The following ANO7 variants were observed in gnomAD, a reference collection of about 807,000 sequenced individuals.
ANO7 encodes the protein anoctamin 7.
Under a neutral mutation model 115.8 loss-of-function variants are expected in ANO7, and 114 were observed. The ratio of observed to expected loss-of-function variants is 0.98; its 90% CI spans 0.85 to 1.15. The LOEUF (loss-of-function observed/expected upper bound fraction) is 1.15. Ranked by LOEUF, ANO7 falls within the 50% of genes most tolerant of loss-of-function variation. The pLI is 0.00. For synonymous variants in ANO7, 550 were observed against 498.2 expected, an observed-to-expected ratio of 1.10 and a Z score of -1.38; for missense variants, 1,302 against 1,201.2, an observed-to-expected ratio of 1.08 and a Z score of -1.24.
rs184837414 is a variant in ANO7, at chr2:241,210,474, C to G, written c.1465C>G (p.Arg489Gly). The G allele has an allele frequency of 4.4e-5, 71 of 1,613,916 alleles. 1 individual carries two copies. Among genetic ancestry groups the G allele is most frequent in the Non-Finnish European group, 4.9e-5 (58 of 1,179,990 alleles). Residue 489 changes from arginine to glycine, a missense_variant, in exon 15 of 25, where the codon CGC becomes GGC. Transcript: ENST00000674324. ...ACGGCCTGTCTCCCGTTAGGCCTCT[C>G]GCATCGCCAGCCTCACGGGGTCTGT... ...GNTLLAAWAS[R>G]IASLTGSVVN...
In ANO7 at chr2:241,203,001, C is replaced by T. The variant is rs868846166; in HGVS notation, c.724-332C>T. On this transcript the variant is annotated intron_variant, in intron 8 of 24. Transcript: ENST00000674324. This position sits in a 1 kb window ranked among gnomAD's most constrained non-coding sequence, Gnocchi z 4.8. ...GGCCCAGAATGCACAGCACAGGACA[C>T]GAGCCTGGGGACTCTCCAACCCAGA... is the stretch of plus-strand genomic sequence containing the variant. Among the ~76,000 whole-genome samples the T allele has an allele frequency of 1.5e-4, 23 of 152,298 alleles. No homozygotes were observed. Among genetic ancestry groups the T allele is most frequent in the Admixed American group, 3.9e-4 (6 of 15,306 alleles).
chr2:241,218,434 G>A (rs1359081072), intron 21 of ANO7, 53 bp downstream of exon 21: 4 of 1,262,588 alleles, frequency 3.2e-6, no homozygotes, highest in South Asian at 2.4e-5. Context: ...ACGAGGCGGA[G>A]CGGGGCTCGG....
In ANO7 at chr2:241,224,114, A is replaced by ACC; in HGVS notation, c.2603_2604dup (p.Phe869ProfsTer45). Reference sequence around the variant, plus strand: ...CTCCCCAGCTCAGCTCCCACTGGACACCCTTCACGGTTCCCAAGGCCAGCC... The same window carrying ACC: ...CTCCCCAGCTCAGCTCCCACTGGACACCCCCTTCACGGTTCCCAAGGCCAGCC... On this transcript the variant is annotated frameshift_variant, in exon 25 of 25. Transcript: ENST00000674324. LOFTEE classifies it low-confidence loss of function (END_TRUNC). 6.2e-7 allele frequency: 1 copy of ACC among 1,613,842 alleles called. No homozygotes were observed. The highest frequency in any genetic ancestry group is 8.5e-7 in the Non-Finnish European group (1 of 1,179,966).
At chr2:241,227,016 C>T (rs2069204593), downstream of ANO7, among the ~76,000 whole-genome samples, 1 of 152,190 alleles carries the variant, frequency 6.6e-6, no homozygotes, top group Non-Finnish European at 1.5e-5. Context: ...AGGTGCTGCT[C>T]CACAAGGACG....
intron 19 of ANO7, among the ~76,000 whole-genome samples, chr2:241,217,378 G>A (rs1452795934): frequency 6.6e-6 from 1 of 152,264 alleles, no homozygotes; most frequent in Non-Finnish European, 1.5e-5. Context: ...GAAGCTGGTT[G>A]TAAAATCAGG....
intron 5 of ANO7, 43 bp downstream of exon 5, chr2:241,199,466 G>T (rs752875820): frequency 1.3e-6 from 2 of 1,591,402 alleles, no homozygotes; most frequent in Non-Finnish European, 1.7e-6. Flanking sequence ...GGAGGTCCCG[G>T]TCCCCACACA....
Position 241,217,831 on chromosome 2 carries a change from G to A in ANO7, c.2118G>A (p.Gln706=). 6.2e-7 allele frequency: 1 copy of A among 1,609,156 alleles called. No individual in the cohort carries two copies. The highest frequency in any genetic ancestry group is 8.5e-7 in the Non-Finnish European group (1 of 1,178,810). ...GGCGCCCGGTGGCCGAGCGCGCCCA[G>A]GACATCGGCATCTGGTTCCACATCC... ...EYRRPVAERA[Q]DIGIWFHILA... is the part of the protein sequence containing the mutation. The change falls in exon 20 of 25, where the codon CAG becomes CAA. Residue 706 remains glutamine (Q), a synonymous_variant. Transcript: ENST00000674324.
intron 21 of ANO7, among the ~76,000 whole-genome samples, chr2:241,222,807 G>A (rs1372552375): frequency 6.6e-6 from 1 of 152,172 alleles, no homozygotes. Flanking sequence ...GTGAACTGCT[G>A]ATCTCACAGA....
At chr2:241,192,854 G>GACTC (rs2068236312) in intron 3 of ANO7, among the ~76,000 whole-genome samples, 1 of 152,124 alleles carries the variant, frequency 6.6e-6, no homozygotes, top group East Asian at 1.9e-4. Context: ...CTTATATGAG[G>GACTC]TCCCCAGAGA....
At chr2:241,219,987 A>G (rs1402684642) in intron 21 of ANO7, among the ~76,000 whole-genome samples, 1 of 152,230 alleles carries the variant, frequency 6.6e-6, no homozygotes, top group Non-Finnish European at 1.5e-5. Flanking sequence ...GTAAGCAGCA[A>G]TCTCTCCATC....
chr2:241,192,560 T>A lies in ANO7; in HGVS notation c.166+1309T>A, dbSNP rs751314473. On this transcript the variant is annotated intron_variant, in intron 3 of 24. Coordinates refer to ENST00000674324, the MANE Select transcript of ANO7 (RefSeq NM_001370694.2). ...GGCACACCCTAATAGCCATCACGTG[T>A]CTTTAATGACCTAATCTCCAAATAC... is the stretch of plus-strand genomic sequence containing the variant. Among the ~76,000 whole-genome samples the A allele has an allele frequency of 8.4e-4, 128 of 152,186 alleles. 1 individual carries two copies. The highest frequency in any genetic ancestry group is 2.6e-4 in the Admixed American group (4 of 15,268).
chr2:241,203,051 G>A lies in ANO7; in HGVS notation c.724-282G>A, dbSNP rs748055345. Among the ~76,000 whole-genome samples, 16 of 152,070 alleles carry A rather than the reference G, an allele frequency of 1.1e-4. No homozygotes were observed. The highest frequency in any genetic ancestry group is 2.1e-4 in the South Asian group (1 of 4,822). ...AGAAGGTGCTGGACCCTGGACCACCGCCACTGGCTTCTCTCAGGGTGGCCT... is the reference window on the plus strand; with the variant it reads ...AGAAGGTGCTGGACCCTGGACCACCACCACTGGCTTCTCTCAGGGTGGCCT... On this transcript the variant is annotated intron_variant, in intron 8 of 24. Transcript: ENST00000674324. This position sits in a 1 kb window ranked among gnomAD's most constrained non-coding sequence, Gnocchi z 4.8.
intron 10 of ANO7, among the ~76,000 whole-genome samples, chr2:241,206,617 G>GAC (rs1419089403): frequency 4.1e-5 from 2 of 48,720 alleles, no homozygotes; most frequent in Non-Finnish European, 7.7e-5. Flanking sequence ...CTCCCAGGCT[G>GAC]ACAGGTGGAC....
At position 241,201,324 on chromosome 2, in the gene ANO7, C is replaced by A; in HGVS notation, c.581C>A (p.Thr194Asn). The A allele has an allele frequency of 2.5e-6, 4 of 1,613,440 alleles. No homozygotes were observed. Among genetic ancestry groups the A allele is most frequent in the Non-Finnish European group, 3.4e-6 (4 of 1,179,818 alleles). ...TTCCTCGGGAGTGACAACCAGGACA[C>A]CTTCTTCACAAGCACCAAGAGGCAC... ...PRFLGSDNQD[T>N]FFTSTKRHQI... is the part of the protein sequence containing the mutation. The change falls in exon 7 of 25, where the codon ACC becomes AAC. Residue 194 changes from threonine to asparagine, a missense_variant. Physicochemically the swap from Thr to Asn is moderately conservative, Grantham distance 65. Transcript: ENST00000674324.
chr2:241,196,052 C>T, intron 4 of ANO7: 2 of 1,430,732 alleles, frequency 1.4e-6, no homozygotes, highest in Non-Finnish European at 1.8e-6. Flanking sequence ...TTGATCCCTC[C>T]TGCACACTCA....
chr2:241,239,572 G>C, the ANO7 span: 3 of 1,584,916 alleles, frequency 1.9e-6, no homozygotes, highest in Non-Finnish European at 2.6e-6. This position sits in a 1 kb window ranked among gnomAD's most constrained non-coding sequence, Gnocchi z 4.6. Flanking sequence ...TGGGGGGTGA[G>C]AACCCCTCCC....
chr2:241,230,715 CG>C (rs1559470533), downstream of ANO7: 1 of 1,561,460 alleles, frequency 6.4e-7, no homozygotes, highest in African/African-American at 1.4e-5. The surrounding 1 kb of genome is among the most constrained non-coding windows in gnomAD (Gnocchi z 5.0). Flanking sequence ...CAGGTGCCCC[CG>C]GTGAGAGAGG....
chr2:241,195,616 C>A, intron 3 of ANO7, 87 bp from the exon 4 acceptor site: 1 of 1,347,564 alleles, frequency 7.4e-7, no homozygotes, highest in Non-Finnish European at 1.0e-6. Context: ...CTCCCCACTG[C>A]GTCCCGGCTG....
In ANO7 at chr2:241,225,645, C is replaced by A. The variant is rs754479032; in HGVS notation, c.*1492C>A. ...CTCGCCTGCGTTCTATTTCACCCAC[C>A]GTGATGCCTGGCCTGAGGGCGGCGT... On this transcript the variant is annotated 3_prime_UTR_variant, in exon 25 of 25. Coordinates refer to ENST00000674324, the MANE Select transcript of ANO7 (RefSeq NM_001370694.2). Among the ~76,000 whole-genome samples the A allele has an allele frequency of 6.6e-6, 1 of 151,458 alleles. No homozygotes were observed. The highest frequency in any genetic ancestry group is 1.5e-5 in the Non-Finnish European group (1 of 67,944).
Sources: allele counts gnomAD v4.1 joint callset (sites outside exome capture counted in the v4.1 genomes callset), GRCh38; gene constraint gnomAD v4.1.1; non-coding constraint Gnocchi (gnomAD v3.1); transcripts MANE v1.5; gene names NCBI Gene and HGNC (gene_info 2026-07-23, HGNC 2026-07-21).